The following RGS7BP variants were observed in gnomAD, a reference collection of about 807,000 sequenced individuals.
The protein encoded by RGS7BP is regulator of G protein signaling 7 binding protein.
A neutral mutation model predicts 31.3 loss-of-function variants in RGS7BP; 9 were observed. That is an observed-to-expected ratio of 0.29 (90% CI 0.17 to 0.50). RGS7BP has a LOEUF of 0.50. Among genes scored for constraint, RGS7BP ranks in the 20% least tolerant of loss-of-function variants. The pLI, the probability that RGS7BP is intolerant of heterozygous loss-of-function variation, is 0.98. For missense variants in RGS7BP, 274 were observed against 322.0 expected (o/e 0.85, Z 1.14); for synonymous variants, 115 against 120.1 (o/e 0.96, Z 0.28).
rs185287256 is a variant in RGS7BP, at chr5:64,575,762, A to T, written c.333-12A>T. ...AGAATGTTCACAGCTTTTCTCTTTC[A>T]TTCTGTTGCAGCCCGGAAGATGGTG... is the stretch of plus-strand genomic sequence containing the variant. On this transcript the variant is annotated splice_polypyrimidine_tract_variant and intron_variant, in intron 2 of 5. Coordinates refer to ENST00000334025, the MANE Select transcript of RGS7BP (RefSeq NM_001029875.3). 35 of 1,600,144 alleles carry T rather than the reference A, an allele frequency of 2.2e-5. No homozygotes were observed. In the African/African-American group the frequency reaches 3.8e-4, roughly 17 times the overall value.
chr5:64,559,376 G>C (rs1187346570), intron 2 of RGS7BP, among the ~76,000 whole-genome samples: 1 of 152,166 alleles, frequency 6.6e-6, no homozygotes, highest in Non-Finnish European at 1.5e-5. Flanking sequence ...CTTTTGGTTT[G>C]TGGAATTAGC....
intron 2 of RGS7BP, among the ~76,000 whole-genome samples, chr5:64,561,223 T>A (rs1439451597): frequency 6.6e-6 from 1 of 152,144 alleles, no homozygotes; most frequent in Non-Finnish European, 1.5e-5. Flanking sequence ...ATAGGAAAAG[T>A]TGAAGAACTA....
rs528792567 is a variant in RGS7BP, at chr5:64,535,927, A to T, written c.332+28050A>T. ...AAATGGGTAACACAGAAAGTCTTGAAAAGACTTAGTTGTCTGGGGTGTCTA... is the reference window on the plus strand; with the variant it reads ...AAATGGGTAACACAGAAAGTCTTGATAAGACTTAGTTGTCTGGGGTGTCTA... On this transcript the variant is annotated intron_variant, in intron 2 of 5. Transcript: ENST00000334025. Among the ~76,000 whole-genome samples the T allele has an allele frequency of 3.9e-5, 6 of 152,320 alleles. No homozygotes were observed. The East Asian group carries it at 9.6e-4, about 24-fold the overall frequency.
rs1016758483 is a variant in RGS7BP at position 64,506,915 on chromosome 5, G to A, written c.165+126G>A. The A allele has an allele frequency of 2.2e-5, 19 of 850,528 alleles. No individual in the cohort carries two copies. Among genetic ancestry groups the A allele is most frequent in the Non-Finnish European group, 3.2e-5 (18 of 557,938 alleles). 52.7% of individuals were successfully genotyped at this position (850,528 alleles called of 1,614,324 possible). A position where few individuals can be genotyped will look rare whatever the true frequency, so the allele number is the denominator to read the frequency against. ...CCCTCAGCTCCTCAATGCCGATCAC[G>A]TGGCACATGCACTATTTTTAAATCT... On this transcript the variant is annotated intron_variant, in intron 1 of 5. Transcript: ENST00000334025. This position sits in a 1 kb window ranked among gnomAD's most constrained non-coding sequence, Gnocchi z 4.6.
chr5:64,556,846 G>A (rs1741940994), intron 2 of RGS7BP, among the ~76,000 whole-genome samples: 1 of 151,988 alleles, frequency 6.6e-6, no homozygotes, highest in Non-Finnish European at 1.5e-5. Context: ...GTGTGCCTCT[G>A]TGTGTGTAAA....
chr5:64,607,805 G>A (rs1398381036), intron 5 of RGS7BP, among the ~76,000 whole-genome samples: 1 of 151,798 alleles, frequency 6.6e-6, no homozygotes, highest in African/African-American at 2.4e-5. Flanking sequence ...AACATGGCCT[G>A]AACTAGCTTT....
chr5:64,554,993 G>A (rs773945653), intron 2 of RGS7BP, among the ~76,000 whole-genome samples: 1 of 151,952 alleles, frequency 6.6e-6, no homozygotes, highest in Non-Finnish European at 1.5e-5. Flanking sequence ...AAATGCAACA[G>A]AGAAATGTAA....
intron 2 of RGS7BP, among the ~76,000 whole-genome samples, chr5:64,564,352 C>G (rs1477217704): frequency 6.6e-6 from 1 of 152,082 alleles, no homozygotes; most frequent in Non-Finnish European, 1.5e-5. Flanking sequence ...CTTTAATATG[C>G]TTCTTGGTTA....
intron 3 of RGS7BP, among the ~76,000 whole-genome samples, chr5:64,588,403 C>A (rs986037779): frequency 2.0e-4 from 30 of 152,112 alleles, no homozygotes; most frequent in Admixed American, 1.8e-3. Context: ...AAATGTTTCC[C>A]TCTTCAGCAA....
intron 5 of RGS7BP, among the ~76,000 whole-genome samples, chr5:64,605,380 G>A (rs1441116233): frequency 1.3e-5 from 2 of 152,120 alleles, no homozygotes; most frequent in Non-Finnish European, 2.9e-5. Flanking sequence ...TGTTTATTCA[G>A]TGGTTCTCAT....
chr5:64,561,159 C>T (rs1222131709), intron 2 of RGS7BP, among the ~76,000 whole-genome samples: 3 of 152,104 alleles, frequency 2.0e-5, no homozygotes, highest in Non-Finnish European at 2.9e-5. Flanking sequence ...TGTACACCTC[C>T]TTTGTGTTAT....
intron 5 of RGS7BP, among the ~76,000 whole-genome samples, chr5:64,607,354 G>A (rs572321627): frequency 6.6e-6 from 1 of 152,204 alleles, no homozygotes; most frequent in South Asian, 2.1e-4. Flanking sequence ...GAGGTCCTGA[G>A]AACATGTGCC....
intron 2 of RGS7BP, among the ~76,000 whole-genome samples, chr5:64,519,904 G>C (rs1042030021): frequency 6.6e-6 from 1 of 152,040 alleles, no homozygotes; most frequent in Non-Finnish European, 1.5e-5. Context: ...TAGGTGGATG[G>C]GAGCTGAGAT....
chr5:64,573,326 T>C (rs982060194), intron 2 of RGS7BP, among the ~76,000 whole-genome samples: 2 of 152,122 alleles, frequency 1.3e-5, no homozygotes, highest in Non-Finnish European at 2.9e-5. Context: ...AATATACTGG[T>C]TCTTAAAATA....
chr5:64,520,394 A>G (rs1749077322), intron 2 of RGS7BP, among the ~76,000 whole-genome samples: 1 of 152,182 alleles, frequency 6.6e-6, no homozygotes, highest in Non-Finnish European at 1.5e-5. Context: ...TTCCTCAGCT[A>G]CTAAGAGGAG....
chr5:64,553,929 T>C (rs765732057), intron 2 of RGS7BP, among the ~76,000 whole-genome samples: 38 of 152,196 alleles, frequency 2.5e-4, no homozygotes, highest in Non-Finnish European at 4.7e-4. Flanking sequence ...GGTCTGATAC[T>C]ATGGCTTCCC....
Position 64,576,306 on chromosome 5 carries a change from G to T in RGS7BP, c.463+402G>T, listed in dbSNP as rs543379367. Among the ~76,000 whole-genome samples, 4 of 152,154 alleles carry T rather than the reference G, an allele frequency of 2.6e-5. No homozygotes were observed. The East Asian group carries it at 5.8e-4, about 22-fold the overall frequency. ...GTGTCCCAAAGATTTAAAAATAGAG[G>T]GAACTCCATAAATAACAGGGAGGTT... On this transcript the variant is annotated intron_variant, in intron 3 of 5. Transcript: ENST00000334025.
chr5:64,611,378 A>T lies in RGS7BP; in HGVS notation c.*2126A>T, dbSNP rs1368958642. On this transcript the variant is annotated 3_prime_UTR_variant, in exon 6 of 6. Coordinates refer to ENST00000334025, the MANE Select transcript of RGS7BP (RefSeq NM_001029875.3). ...ACTGATAAGCCCAATCTTGTTCAGC[A>T]CGTTCTTCTAAATGCCTGACCTAAA... 1 of 152,276 alleles carries T rather than the reference A, an allele frequency of 6.6e-6. No individual in the cohort carries two copies. The highest frequency in any genetic ancestry group is 2.4e-5 in the African/African-American group (1 of 41,376). 9.4% of individuals were successfully genotyped at this position (152,276 alleles called of 1,614,324 possible).
chr5:64,538,741 AGATGAGGTTTCGCCAGGTTG>A (rs1307798010), intron 2 of RGS7BP, among the ~76,000 whole-genome samples: 1 of 151,494 alleles, frequency 6.6e-6, no homozygotes, highest in African/African-American at 2.4e-5. Context: ...TTGTTAGCAG[AGATGAGGTTTCGCCAGGTTG>A]GCCAGGCTGG....
Sources: gnomAD v4.1 joint callset for allele counts (sites outside exome capture counted in the v4.1 genomes callset) on GRCh38, gnomAD v4.1.1 for gene constraint, Gnocchi (gnomAD v3.1) non-coding constraint, MANE v1.5 for transcripts, NCBI Gene and HGNC (gene_info 2026-07-23, HGNC 2026-07-21) for gene names.